Variants in SLC35F4 observed in about 807,000 individuals in gnomAD.
SLC35F4 encodes chromosome 14 open reading frame 36.
In SLC35F4, 24 loss-of-function variants were observed where a neutral mutation model predicts 44.2. The observed-to-expected ratio is 0.54, with a 90% CI of 0.39 to 0.76. SLC35F4 has a LOEUF of 0.76. Among genes scored for constraint, SLC35F4 ranks in the 30% least tolerant of loss-of-function variants. The probability of loss-of-function intolerance (pLI) is 0.00; values close to 1 mark genes in which losing one functional copy is unlikely to be tolerated. For missense variants in SLC35F4, 562 were observed against 586.1 expected (o/e 0.96, Z 0.42); for synonymous variants, 238 against 223.6 (o/e 1.06, Z -0.57).
intron 1 of SLC35F4, among the ~76,000 whole-genome samples, chr14:57,853,918 A>T (rs1886830677): frequency 6.6e-6 from 1 of 152,176 alleles, no homozygotes; most frequent in South Asian, 2.1e-4. Flanking sequence ...AGCTAGTTCA[A>T]GTGGAGTCTT....
At chr14:57,843,109 T>C (rs546959983) in intron 1 of SLC35F4, among the ~76,000 whole-genome samples, 1 of 152,302 alleles carries the variant, frequency 6.6e-6, no homozygotes, top group African/African-American at 2.4e-5. Context: ...TTCCCTACTT[T>C]TGAGGTTTGG....
At chr14:57,978,293 C>T (rs1881276743) in intron 1 of SLC35F4, among the ~76,000 whole-genome samples, 1 of 152,182 alleles carries the variant, frequency 6.6e-6, no homozygotes, top group African/African-American at 2.4e-5. Flanking sequence ...CATGGGACCA[C>T]TTCTACTCTG....
At position 57,689,956 on chromosome 14, in the gene SLC35F4, T is replaced by C. The variant is rs371400058; in HGVS notation, c.104-95832A>G. Among the ~76,000 whole-genome samples the C allele has an allele frequency of 1.7e-4, 26 of 152,298 alleles. 1 individual carries two copies. The highest frequency in any genetic ancestry group is 1.0e-3 in the South Asian group (5 of 4,820). ...TTTTAGCATGTAACCACTTTGTCTTTGCCTAAACTAAATGAGTTCATTTTC... is the reference window on the plus strand; with the variant it reads ...TTTTAGCATGTAACCACTTTGTCTTCGCCTAAACTAAATGAGTTCATTTTC... On this transcript the variant is annotated intron_variant, in intron 1 of 7. Coordinates refer to ENST00000556826, the MANE Select transcript of SLC35F4 (RefSeq NM_001306087.2).
chr14:57,977,232 A>G, intron 1 of SLC35F4, among the ~76,000 whole-genome samples: 1 of 152,216 alleles, frequency 6.6e-6, no homozygotes, highest in East Asian at 1.9e-4. Flanking sequence ...ATTTAATTAT[A>G]TAAATGTAGT....
At chr14:57,817,961 T>C (rs1410557615) in intron 1 of SLC35F4, among the ~76,000 whole-genome samples, 1 of 152,068 alleles carries the variant, frequency 6.6e-6, no homozygotes, top group East Asian at 1.9e-4. Flanking sequence ...CAATAGGGAA[T>C]GCACAGGTGA....
chr14:57,834,303 A>G (rs1238847411), intron 1 of SLC35F4, among the ~76,000 whole-genome samples: 6 of 152,250 alleles, frequency 3.9e-5, no homozygotes, highest in Non-Finnish European at 5.9e-5. Context: ...GAATAACTAC[A>G]GCACATTGGT....
At chr14:57,970,094 G>T (rs1269937368) in intron 1 of SLC35F4, among the ~76,000 whole-genome samples, 1 of 152,072 alleles carries the variant, frequency 6.6e-6, no homozygotes, top group East Asian at 1.9e-4. Flanking sequence ...CTTTAACTAG[G>T]TTCAATACCA....
chr14:57,966,877 G>A (rs1447573460), intron 1 of SLC35F4, among the ~76,000 whole-genome samples: 1 of 152,058 alleles, frequency 6.6e-6, no homozygotes, highest in African/African-American at 2.4e-5. Flanking sequence ...GGGCATGGTG[G>A]CACATGCCTG....
intron 1 of SLC35F4, among the ~76,000 whole-genome samples, chr14:57,954,647 C>A (rs973848372): frequency 6.6e-6 from 1 of 152,114 alleles, no homozygotes; most frequent in Non-Finnish European, 1.5e-5. Context: ...CTATAAACAC[C>A]TCCATGCAAA....
chr14:57,812,677 C>T (rs1002774780), intron 1 of SLC35F4, among the ~76,000 whole-genome samples: 1 of 152,090 alleles, frequency 6.6e-6, no homozygotes, highest in Non-Finnish European at 1.5e-5. Flanking sequence ...AGTTTGTTAA[C>T]CTCAGCATCA....
At chr14:57,897,175 C>G (rs778580144) in intron 1 of SLC35F4, among the ~76,000 whole-genome samples, 17 of 152,258 alleles carry the variant, frequency 1.1e-4, no homozygotes, top group Middle Eastern at 3.4e-3. Context: ...CACTTTTACT[C>G]TCTTTCTGGT....
chr14:57,722,745 A>T (rs1463690990), intron 1 of SLC35F4, among the ~76,000 whole-genome samples: 7 of 152,216 alleles, frequency 4.6e-5, no homozygotes, highest in Non-Finnish European at 7.3e-5. Context: ...AGTGAAAATG[A>T]TAGGAAGCCT....
rs554585952 is a variant in SLC35F4, at chr14:57,701,528, C to T, written c.104-107404G>A. ...GTATGTTATATTTTTATACAGCTGG[C>T]GGCATAGTAGGTTGATTTACACCAG... On this transcript the variant is annotated intron_variant, in intron 1 of 7. Transcript: ENST00000556826. Among the ~76,000 whole-genome samples the T allele has an allele frequency of 1.2e-4, 19 of 152,146 alleles. 1 individual carries two copies. The South Asian group carries it at 2.9e-3, about 23-fold the overall frequency.
chr14:57,860,968 G>A (rs1887629861), intron 1 of SLC35F4, among the ~76,000 whole-genome samples: 1 of 152,082 alleles, frequency 6.6e-6, no homozygotes, highest in African/African-American at 2.4e-5. Flanking sequence ...TGGATAATCT[G>A]TAACTCTGGT....
At chr14:57,578,696 A>C (rs956229001) in intron 4 of SLC35F4, 1 of 152,168 alleles carries the variant, frequency 6.6e-6, no homozygotes, top group Non-Finnish European at 1.5e-5. Flanking sequence ...ACTTAAAAAG[A>C]AAAATATTTG....
At position 57,630,804 on chromosome 14, in the gene SLC35F4, T is replaced by G. The variant is rs1594642734; in HGVS notation, c.104-36680A>C. The G allele has an allele frequency of 6.6e-6, 4 of 607,218 alleles. No homozygotes were observed. In the East Asian group the frequency reaches 2.5e-4, roughly 38 times the overall value. 37.6% of individuals were successfully genotyped at this position (607,218 alleles called of 1,614,324 possible). A position where few individuals can be genotyped will look rare whatever the true frequency, so the allele number is the denominator to read the frequency against. ...GATGATTAAAAAGACACTTGTTAGT[T>G]TTCCCTGTACCAGGCAATGATCATA... On this transcript the variant is annotated intron_variant, in intron 1 of 7. Transcript: ENST00000556826.
chr14:57,584,389 T>TA (rs1174784910), intron 3 of SLC35F4, among the ~76,000 whole-genome samples: 1 of 152,194 alleles, frequency 6.6e-6, no homozygotes, highest in Non-Finnish European at 1.5e-5. Context: ...TTTCCAGTCT[T>TA]ACACACTAAC....
chr14:57,773,064 G>C (rs1327322167), intron 1 of SLC35F4, among the ~76,000 whole-genome samples: 1 of 151,966 alleles, frequency 6.6e-6, no homozygotes, highest in East Asian at 1.9e-4. Flanking sequence ...CTGAGGTAAG[G>C]TATCTCATAA....
chr14:57,719,510 T>G (rs1345586630), intron 1 of SLC35F4, among the ~76,000 whole-genome samples: 1 of 152,218 alleles, frequency 6.6e-6, no homozygotes, highest in Non-Finnish European at 1.5e-5. Context: ...CAGTGTTTTA[T>G]AGTTCTCATT....
Sources: allele counts gnomAD v4.1 joint callset (sites outside exome capture counted in the v4.1 genomes callset), GRCh38; gene constraint gnomAD v4.1.1; transcripts MANE v1.5; gene names NCBI Gene and HGNC (gene_info 2026-07-23, HGNC 2026-07-21).